IFNAR1: variants seen among roughly 807,000 people sequenced by gnomAD.
IFNAR1 encodes interferon alpha/beta receptor 1.
In IFNAR1, 47 loss-of-function variants were observed where a neutral mutation model predicts 62.1. The ratio of observed to expected loss-of-function variants is 0.76; its 90% CI spans 0.60 to 0.97. IFNAR1 has a LOEUF of 0.97. Among genes scored for constraint, IFNAR1 ranks in the 50% least tolerant of loss-of-function variants. The pLI is 0.00. For missense variants in IFNAR1, 638 were observed against 654.5 expected, an observed-to-expected ratio of 0.97 and a Z score of 0.27; for synonymous variants, 219 against 226.9, an observed-to-expected ratio of 0.97 and a Z score of 0.31.
chr21:33,341,141 TATGAGGTTGACTC>T lies in IFNAR1; in HGVS notation c.346_358del (p.Glu116LeufsTer16), dbSNP rs777480661. ...AGAAAAAGAAAACACTTCTTCATGG[TATGAGGTTGACTC>T]ATTTACACCATTTCGCAAAGGTAAG... On this transcript the variant is annotated frameshift_variant, in exon 3 of 11. Coordinates refer to ENST00000270139, the MANE Select transcript of IFNAR1 (RefSeq NM_000629.3). LOFTEE classifies it high-confidence loss of function. The T allele has an allele frequency of 4.3e-6, 7 of 1,612,924 alleles. No individual in the cohort carries two copies. Among genetic ancestry groups the T allele is most frequent in the Non-Finnish European group, 5.9e-6 (7 of 1,179,492 alleles).
chr21:33,341,596 A>C (rs2083292785), intron 3 of IFNAR1, among the ~76,000 whole-genome samples: 1 of 152,246 alleles, frequency 6.6e-6, no homozygotes, highest in Admixed American at 6.5e-5. Flanking sequence ...GATTTGGAAA[A>C]AAAATGTAAA....
At position 33,349,432 on chromosome 21, in the gene IFNAR1, T is replaced by G. The variant is rs755054544; in HGVS notation, c.1032T>G (p.Asp344Glu). 6.2e-7 allele frequency: 1 copy of G among 1,611,174 alleles called. No individual in the cohort carries two copies. The highest frequency in any genetic ancestry group is 1.3e-5 in the African/African-American group (1 of 74,796). Residue 344 changes from aspartate to glutamate, a missense_variant, in exon 8 of 11, where the codon GAT becomes GAG. Coordinates refer to ENST00000270139, the MANE Select transcript of IFNAR1 (RefSeq NM_000629.3). ...TCTTTAACATTAGATCCCTTAGTGA[T>G]TCATTCCATATCTATATCGGTGCTC... is the stretch of plus-strand genomic sequence containing the variant. ...PPVFNIRSLS[D>E]SFHIYIGAPK... is the part of the protein sequence containing the mutation.
rs551880827 is a variant in IFNAR1 at position 33,358,338 on chromosome 21, C to T, written c.*2789C>T. On this transcript the variant is annotated 3_prime_UTR_variant, in exon 11 of 11. Transcript: ENST00000270139. ...GAAGTTTACTTAGAAATACCATGCA[C>T]TTGGGGGTACCAATTAACCGCCTGA... 5 of 152,250 alleles carry T rather than the reference C, an allele frequency of 3.3e-5. No homozygotes were observed. The South Asian group carries it at 6.2e-4, about 19-fold the overall frequency. 9.4% of individuals were successfully genotyped at this position (152,250 alleles called of 1,614,324 possible).
chr21:33,329,399 A>G (rs1400799304), intron 1 of IFNAR1, among the ~76,000 whole-genome samples: 1 of 152,144 alleles, frequency 6.6e-6, no homozygotes, highest in Non-Finnish European at 1.5e-5. Flanking sequence ...TCAGGGATGA[A>G]GTTTTAGAGA....
rs777507479 is a variant in IFNAR1, at chr21:33,343,638, T to C, written c.635T>C (p.Ile212Thr). Residue 212 changes from isoleucine (I) to threonine (T), a missense_variant, in exon 5 of 11, where the codon ATT becomes ACT. By Grantham distance (89) the Ile-to-Thr change is moderately conservative. Transcript: ENST00000270139. ...VKAALLTSWK[I>T]GVYSPVHCIK... Reference sequence around the variant, plus strand: ...GCAGCACTACTTACGTCATGGAAAATTGGTGTCTATAGTCCAGTACATTGT... The same window carrying C: ...GCAGCACTACTTACGTCATGGAAAACTGGTGTCTATAGTCCAGTACATTGT... The C allele has an allele frequency of 1.2e-6, 2 of 1,609,610 alleles. No homozygotes were observed. The highest frequency in any genetic ancestry group is 4.5e-5 in the East Asian group (2 of 44,762).
chr21:33,345,243 T>C lies in IFNAR1; in HGVS notation c.674-3T>C. The C allele has an allele frequency of 2.1e-6, 3 of 1,416,604 alleles. No homozygotes were observed. Among genetic ancestry groups the C allele is most frequent in the Non-Finnish European group, 3.0e-6 (3 of 1,004,202 alleles). 87.8% of individuals were successfully genotyped at this position (1,416,604 alleles called of 1,614,324 possible). A position where few individuals can be genotyped will look rare whatever the true frequency, so the allele number is the denominator to read the frequency against. On this transcript the variant is annotated splice_region_variant and splice_polypyrimidine_tract_variant and intron_variant, in intron 5 of 10. Transcript: ENST00000270139. ...TTTTTTTTATCTGTTCTTTGGCTTC[T>C]AGTTGAAAATGAACTACCTCCACCA...
At position 33,359,744 on chromosome 21, in the gene IFNAR1, C is replaced by T. The variant is rs1285289616; in HGVS notation, c.*4195C>T. 1.3e-5 allele frequency: 2 copies of T among 152,198 alleles called. No homozygotes were observed. The highest frequency in any genetic ancestry group is 4.8e-5 in the African/African-American group (2 of 41,450). 9.4% of individuals were successfully genotyped at this position (152,198 alleles called of 1,614,324 possible). ...TATTCAGGCTGGGAACCTGAACACACACTTGTGTTTTTAAGCTTCCCTTTT... is the reference window on the plus strand; with the variant it reads ...TATTCAGGCTGGGAACCTGAACACATACTTGTGTTTTTAAGCTTCCCTTTT... On this transcript the variant is annotated 3_prime_UTR_variant, in exon 11 of 11. Transcript: ENST00000270139.
At chr21:33,335,073 C>G (rs539360299) in intron 1 of IFNAR1, 504 of 953,354 alleles carry the variant, frequency 5.3e-4, no homozygotes, top group Non-Finnish European at 8.0e-4. Context: ...GAAGCCAGCA[C>G]TTGATTGCCC....
intron 6 of IFNAR1, among the ~76,000 whole-genome samples, chr21:33,346,737 A>T (rs748886194): frequency 6.6e-6 from 1 of 152,250 alleles, no homozygotes; most frequent in East Asian, 1.9e-4. Context: ...TATACAAATT[A>T]TAAGGGTTGC....
At chr21:33,333,825 G>A (rs543510036) in intron 1 of IFNAR1, among the ~76,000 whole-genome samples, 11 of 151,614 alleles carry the variant, frequency 7.3e-5, no homozygotes, top group South Asian at 2.1e-4. Context: ...GGGTTTCACC[G>A]TGTTAGCCAG....
At position 33,348,603 on chromosome 21, in the gene IFNAR1, A is replaced by C. The variant is rs545339308; in HGVS notation, c.789-488A>C. 1.5e-4 allele frequency among the ~76,000 whole-genome samples: 23 copies of C among 152,276 alleles called. No homozygotes were observed. The South Asian group carries it at 4.6e-3, about 30-fold the overall frequency. The stretch of plus-strand genomic sequence containing the variant: ...GATCACCTGAGGTCAGGAGTTCAAG[A>C]CCAGCCTGGCCAACATGACGAAACC... On this transcript the variant is annotated intron_variant, in intron 6 of 10. Transcript: ENST00000270139.
intron 10 of IFNAR1, 65 bp from the exon 11 acceptor site, chr21:33,355,251 A>G: frequency 3.7e-6 from 3 of 819,152 alleles, no homozygotes; most frequent in Non-Finnish European, 5.7e-6. Context: ...AGCTATTACA[A>G]CTAGAAAAGG....
At chr21:33,344,756 T>TC (rs1434937985) in intron 5 of IFNAR1, among the ~76,000 whole-genome samples, 1 of 111,568 alleles carries the variant, frequency 9.0e-6, no homozygotes, top group Non-Finnish European at 2.1e-5. Context: ...TTGCATTCTT[T>TC]CTTTTTTACT....
At chr21:33,355,164 A>G (rs952127917) in intron 10 of IFNAR1, 152 bp from the exon 11 acceptor site, 2 of 522,544 alleles carry the variant, frequency 3.8e-6, no homozygotes, top group African/African-American at 1.9e-5. Flanking sequence ...TTATAAGGCA[A>G]TTAGTATGTT....
At chr21:33,334,618 G>A in intron 1 of IFNAR1, 2 of 638,216 alleles carry the variant, frequency 3.1e-6, no homozygotes, top group Non-Finnish European at 6.0e-6. Context: ...TAGACAGAGG[G>A]GACAGTGCAG....
At chr21:33,344,049 G>A (rs369338146) in intron 5 of IFNAR1, among the ~76,000 whole-genome samples, 1 of 152,178 alleles carries the variant, frequency 6.6e-6, no homozygotes, top group East Asian at 1.9e-4. Flanking sequence ...TACTTGGGAG[G>A]CTGAGGCACA....
intron 7 of IFNAR1, 39 bp from the exon 8 acceptor site, chr21:33,349,350 T>A: frequency 6.4e-7 from 1 of 1,572,366 alleles, no homozygotes; most frequent in Non-Finnish European, 8.6e-7. Flanking sequence ...TAAAATTGTT[T>A]TTCTAATTGA....
In IFNAR1 at chr21:33,356,431, AAGAT is replaced by A. The variant is rs1227258867; in HGVS notation, c.*883_*886del. 5 of 152,220 alleles carry A rather than the reference AAGAT, an allele frequency of 3.3e-5. No homozygotes were observed. The highest frequency in any genetic ancestry group is 5.9e-5 in the Non-Finnish European group (4 of 68,034). The allele number at this position is 152,220 out of a possible 1,614,324, so 9.4% of individuals were successfully genotyped here. ...CTAGAAAACAGCTGCAAATGCCAGA[AAGAT>A]GATCCCTAAAAATGTTGAGGGACTT... On this transcript the variant is annotated 3_prime_UTR_variant, in exon 11 of 11. Transcript: ENST00000270139.
At position 33,353,620 on chromosome 21, in the gene IFNAR1, T is replaced by A. The variant is rs1200851932; in HGVS notation, c.1295-18T>A. ...TGTATGTCAAAATATATGCTAAATA[T>A]CACGTATATCTTTTTAGGAAATACC... On this transcript the variant is annotated intron_variant, in intron 9 of 10. Transcript: ENST00000270139. 2 of 1,439,134 alleles carry A rather than the reference T, an allele frequency of 1.4e-6. No individual in the cohort carries two copies. The highest frequency in any genetic ancestry group is 4.8e-5 in the East Asian group (2 of 41,520). The allele number at this position is 1,439,134 out of a possible 1,614,324, so 89.1% of individuals were successfully genotyped here.
Sources: allele counts gnomAD v4.1 joint callset (sites outside exome capture counted in the v4.1 genomes callset), GRCh38; gene constraint gnomAD v4.1.1; transcripts MANE v1.5; gene names NCBI Gene and HGNC (gene_info 2026-07-23, HGNC 2026-07-21).